Variants in UGT1A8 observed in about 807,000 individuals in gnomAD.
UGT1A8 encodes the protein UDP-glucuronosyltransferase 1A8.
Under a neutral mutation model 45.3 loss-of-function variants are expected in UGT1A8, and 39 were observed. That is an observed-to-expected ratio of 0.86 (90% confidence interval 0.67 to 1.12). UGT1A8 has a LOEUF of 1.12. Ranked by LOEUF, UGT1A8 falls within the 50% of genes most tolerant of loss-of-function variation. The probability of loss-of-function intolerance (pLI) is 0.00; values close to 1 mark genes in which losing one functional copy is unlikely to be tolerated. For synonymous variants in UGT1A8, 275 were observed against 249.2 expected (o/e 1.10, Z -0.97); for missense variants, 719 against 664.9 (o/e 1.08, Z -0.90).
In UGT1A8 at chr2:233,666,852, A is replaced by G. The variant is rs1575411800; in HGVS notation, c.855+48290A>G. 3.0e-5 allele frequency among the ~76,000 whole-genome samples: 4 copies of G among 132,466 alleles called. 1 individual carries two copies. Among genetic ancestry groups the G allele is most frequent in the Admixed American group, 2.8e-4 (3 of 10,652 alleles). 86.9% of individuals were successfully genotyped at this position (132,466 alleles called of 152,430 possible). ...GTGTGATGTTCACCTTCCTGTGTCC[A>G]TGTGTTCTCATTGTTCAATTCCTAC... On this transcript the variant is annotated intron_variant, in intron 1 of 4. Coordinates refer to ENST00000373450, the MANE Select transcript of UGT1A8 (RefSeq NM_019076.5).
At chr2:233,705,882 G>T (rs1372045008) in intron 1 of UGT1A8, among the ~76,000 whole-genome samples, 1 of 152,150 alleles carries the variant, frequency 6.6e-6, no homozygotes, top group Non-Finnish European at 1.5e-5. Flanking sequence ...GAGGCCAGGA[G>T]TTCAAGACTG....
At chr2:233,715,005 T>G (rs2076427841) in intron 1 of UGT1A8, among the ~76,000 whole-genome samples, 1 of 152,190 alleles carries the variant, frequency 6.6e-6, no homozygotes, top group African/African-American at 2.4e-5. Context: ...GCCTCCCAAG[T>G]AGCTGGAACT....
intron 1 of UGT1A8, among the ~76,000 whole-genome samples, chr2:233,698,662 T>C (rs921935371): frequency 1.3e-5 from 2 of 152,238 alleles, no homozygotes; most frequent in Non-Finnish European, 2.9e-5. Flanking sequence ...TAGGTAACTA[T>C]TGGCCCAACT....
At chr2:233,723,999 A>C (rs2077152052) in intron 1 of UGT1A8, among the ~76,000 whole-genome samples, 1 of 70,856 alleles carries the variant, frequency 1.4e-5, no homozygotes, top group Non-Finnish European at 2.6e-5. Context: ...TTTCTATTCC[A>C]CAAAGCCGCC....
chr2:233,743,984 C>T (rs1692627890), intron 1 of UGT1A8: 2 of 1,291,724 alleles, frequency 1.5e-6, no homozygotes, highest in South Asian at 1.3e-5. Context: ...CACCCAGGCG[C>T]AGGCCCGAGT....
chr2:233,676,772 G>A (rs1321207441), intron 1 of UGT1A8, among the ~76,000 whole-genome samples: 2 of 152,138 alleles, frequency 1.3e-5, no homozygotes, highest in African/African-American at 2.4e-5. Context: ...CTTTTGGTAG[G>A]AAGACACAGA....
chr2:233,735,829 A>G (rs1353832025), intron 1 of UGT1A8, among the ~76,000 whole-genome samples: 8 of 152,278 alleles, frequency 5.3e-5, no homozygotes, highest in African/African-American at 1.9e-4. Context: ...AGAATGTTGA[A>G]TATTGGCCCC....
chr2:233,765,846 C>T (rs562820887), intron 1 of UGT1A8, among the ~76,000 whole-genome samples: 4 of 152,146 alleles, frequency 2.6e-5, no homozygotes, highest in African/African-American at 7.2e-5. Flanking sequence ...CCTTGTCCCC[C>T]TCACAGAGCA....
At chr2:233,747,948 G>T in intron 1 of UGT1A8, 1 of 1,613,450 alleles carries the variant, frequency 6.2e-7, no homozygotes, top group South Asian at 1.1e-5. Flanking sequence ...GGTGTCAGTG[G>T]TGGATCTTCT....
intron 1 of UGT1A8, among the ~76,000 whole-genome samples, chr2:233,726,328 C>T (rs2077525468): frequency 6.6e-6 from 1 of 152,196 alleles, no homozygotes; most frequent in Non-Finnish European, 1.5e-5. Context: ...GGAGTTTCAG[C>T]ACCTGTGGTT....
chr2:233,714,271 C>T (rs759852980), intron 1 of UGT1A8, among the ~76,000 whole-genome samples: 2 of 152,206 alleles, frequency 1.3e-5, no homozygotes, highest in African/African-American at 4.8e-5. Context: ...CAATTGTTGA[C>T]GTGACAATTT....
chr2:233,624,813 C>T (rs546300589), intron 1 of UGT1A8, among the ~76,000 whole-genome samples: 34 of 152,176 alleles, frequency 2.2e-4, no homozygotes, highest in African/African-American at 5.8e-4. Flanking sequence ...ATGTTAAGTG[C>T]CTCATCAGTG....
chr2:233,679,117 C>G (rs1310985222), intron 1 of UGT1A8, among the ~76,000 whole-genome samples: 2 of 152,126 alleles, frequency 1.3e-5, no homozygotes. Flanking sequence ...TCTAAATTTC[C>G]TTAAGACACC....
At chr2:233,688,780 TG>T (rs1488154888) in intron 1 of UGT1A8, among the ~76,000 whole-genome samples, 1 of 152,142 alleles carries the variant, frequency 6.6e-6, no homozygotes, top group Non-Finnish European at 1.5e-5. Flanking sequence ...GCCATTCTAA[TG>T]GAGAGGAAGG....
intron 1 of UGT1A8, among the ~76,000 whole-genome samples, chr2:233,744,175 A>C (rs1324245746): frequency 1.3e-5 from 2 of 151,870 alleles, no homozygotes; most frequent in African/African-American, 4.9e-5. Flanking sequence ...TCCGGCCTCC[A>C]ACCAGCCATG....
intron 1 of UGT1A8, among the ~76,000 whole-genome samples, chr2:233,664,141 C>G (rs2074030238): frequency 6.6e-6 from 1 of 152,142 alleles, no homozygotes. Flanking sequence ...TGCTCAAGTT[C>G]CAAATAACTT....
chr2:233,690,871 G>C (rs960988166), intron 1 of UGT1A8: 1 of 1,062,200 alleles, frequency 9.4e-7, no homozygotes, highest in Non-Finnish European at 1.1e-6. Flanking sequence ...TTTGCAAGAA[G>C]GTGTTAGGAA....
chr2:233,756,820 AG>A, intron 1 of UGT1A8, among the ~76,000 whole-genome samples: 1 of 152,190 alleles, frequency 6.6e-6, no homozygotes, highest in African/African-American at 2.4e-5. Context: ...CTCAATTCCA[AG>A]GGGAAAATGA....
chr2:233,746,322 CT>C (rs1693360361), intron 1 of UGT1A8, among the ~76,000 whole-genome samples: 1 of 151,756 alleles, frequency 6.6e-6, no homozygotes, highest in Admixed American at 6.5e-5. Flanking sequence ...TGTAGATGAT[CT>C]ACAGGGCAAT....
Sources: gnomAD v4.1 joint callset for allele counts (sites outside exome capture counted in the v4.1 genomes callset) on GRCh38, gnomAD v4.1.1 for gene constraint, MANE v1.5 for transcripts, NCBI Gene and HGNC (gene_info 2026-07-23, HGNC 2026-07-21) for gene names.